RAB31: variants seen among roughly 807,000 people sequenced by gnomAD.
The protein encoded by RAB31 is ras-related protein Rab-31.
A neutral mutation model predicts 25.6 loss-of-function variants in RAB31; 21 were observed. That is an observed-to-expected ratio of 0.82 (90% CI 0.58 to 1.18). RAB31 has a LOEUF of 1.18. Among genes scored for constraint, RAB31 ranks in the 50% most tolerant of loss-of-function variants. The pLI is 0.00. For synonymous variants in RAB31, 87 were observed against 84.0 expected, an observed-to-expected ratio of 1.04 and a Z score of -0.20; for missense variants, 196 against 250.1, an observed-to-expected ratio of 0.78 and a Z score of 1.46.
chr18:9,773,336 T>C (rs530461209), intron 1 of RAB31, among the ~76,000 whole-genome samples: 10 of 152,328 alleles, frequency 6.6e-5, no homozygotes, highest in African/African-American at 2.2e-4. Context: ...TCATCCTTGA[T>C]CTTTTGGCTT....
At chr18:9,746,761 A>G (rs2068207955) in intron 1 of RAB31, among the ~76,000 whole-genome samples, 1 of 152,226 alleles carries the variant, frequency 6.6e-6, no homozygotes, top group Admixed American at 6.5e-5. Flanking sequence ...CCTTTATACA[A>G]AAATCAATTC....
intron 5 of RAB31, among the ~76,000 whole-genome samples, chr18:9,835,204 AC>A (rs2143115193): frequency 6.6e-6 from 1 of 152,174 alleles, no homozygotes; most frequent in East Asian, 1.9e-4. Context: ...TGTGTTCTTG[AC>A]CGTCATGGTA....
At chr18:9,777,284 C>G (rs1197358372) in intron 2 of RAB31, among the ~76,000 whole-genome samples, 2 of 152,170 alleles carry the variant, frequency 1.3e-5, no homozygotes, top group Non-Finnish European at 2.9e-5. Context: ...GAGATTGTAT[C>G]ACTGCACTCC....
intron 5 of RAB31, among the ~76,000 whole-genome samples, chr18:9,842,968 T>G (rs891131873): frequency 6.6e-6 from 1 of 152,230 alleles, no homozygotes; most frequent in African/African-American, 2.4e-5. Flanking sequence ...TTGGCCATGG[T>G]CATCCTAAGG....
intron 1 of RAB31, among the ~76,000 whole-genome samples, chr18:9,748,784 G>A (rs1446305331): frequency 4.6e-5 from 7 of 151,498 alleles, no homozygotes; most frequent in South Asian, 2.1e-4. Flanking sequence ...CCAGCTACTC[G>A]GGAGGCTGAG....
chr18:9,849,810 TGTC>T (rs2068780114), intron 6 of RAB31, among the ~76,000 whole-genome samples: 3 of 152,022 alleles, frequency 2.0e-5, no homozygotes, highest in Non-Finnish European at 2.9e-5. Flanking sequence ...AGGCAGGAAA[TGTC>T]GTGGTGCTTT....
chr18:9,754,083 G>A (rs1438901459), intron 1 of RAB31, among the ~76,000 whole-genome samples: 1 of 152,106 alleles, frequency 6.6e-6, no homozygotes, highest in Non-Finnish European at 1.5e-5. Flanking sequence ...GTCATGAAGA[G>A]GAATTGAAAA....
chr18:9,744,811 C>A (rs2068197229), intron 1 of RAB31, among the ~76,000 whole-genome samples: 1 of 152,082 alleles, frequency 6.6e-6, no homozygotes, highest in Non-Finnish European at 1.5e-5. Context: ...TCCAAAACTT[C>A]AGAGCAGTGC....
chr18:9,830,083 CTT>C (rs1159553741), intron 5 of RAB31, among the ~76,000 whole-genome samples: 1 of 151,580 alleles, frequency 6.6e-6, no homozygotes, highest in Non-Finnish European at 1.5e-5. Flanking sequence ...TCACTGCAGC[CTT>C]GAACTCCTGG....
At chr18:9,821,551 A>G (rs1199163849) in intron 5 of RAB31, among the ~76,000 whole-genome samples, 1 of 152,144 alleles carries the variant, frequency 6.6e-6, no homozygotes, top group African/African-American at 2.4e-5. Context: ...TCTACACAGA[A>G]AAGCCCAAAG....
At chr18:9,835,589 T>A (rs936541894) in intron 5 of RAB31, among the ~76,000 whole-genome samples, 5 of 152,228 alleles carry the variant, frequency 3.3e-5, no homozygotes, top group African/African-American at 9.6e-5. Flanking sequence ...ACATGTGTTA[T>A]TAAGTAGGTG....
At chr18:9,728,765 T>C (rs1042702343) in intron 1 of RAB31, among the ~76,000 whole-genome samples, 1 of 152,190 alleles carries the variant, frequency 6.6e-6, no homozygotes, top group African/African-American at 2.4e-5. Context: ...CTCGAACTCC[T>C]GACCTCACGT....
At position 9,710,115 on chromosome 18, in the gene RAB31, G is replaced by A. The variant is rs990714341; in HGVS notation, c.39+1671G>A. 2.0e-5 allele frequency among the ~76,000 whole-genome samples: 3 copies of A among 152,218 alleles called. No homozygotes were observed. In the South Asian group the frequency reaches 6.2e-4, roughly 32 times the overall value. On this transcript the variant is annotated intron_variant, in intron 1 of 6. Coordinates refer to ENST00000578921, the MANE Select transcript of RAB31 (RefSeq NM_006868.4). ...TTTTCAGTTTCGGTGTTTAGGGACA[G>A]GTCTCTATGTCCTCCTACCAGGACA...
rs185815131 is a variant in RAB31 at position 9,802,719 on chromosome 18, T to A, written c.201+10484T>A. 2.0e-5 allele frequency among the ~76,000 whole-genome samples: 3 copies of A among 152,330 alleles called. No homozygotes were observed. The East Asian group carries it at 5.8e-4, about 29-fold the overall frequency. ...GTTTGAAAGATTAGGTGTTTGGAGA[T>A]CATGTGCCCAGAGGGCTGGGATGCA... On this transcript the variant is annotated intron_variant, in intron 3 of 6. Coordinates refer to ENST00000578921, the MANE Select transcript of RAB31 (RefSeq NM_006868.4).
chr18:9,804,859 T>G (rs2068531932), intron 3 of RAB31, among the ~76,000 whole-genome samples: 1 of 152,112 alleles, frequency 6.6e-6, no homozygotes, highest in Non-Finnish European at 1.5e-5. Flanking sequence ...GCAGGGACCT[T>G]GTTACCTTCT....
At position 9,759,710 on chromosome 18, in the gene RAB31, C is replaced by T. The variant is rs183476619; in HGVS notation, c.40-15568C>T. 1.6e-3 allele frequency among the ~76,000 whole-genome samples: 240 copies of T among 152,210 alleles called. 3 individuals carry two copies. Among genetic ancestry groups the T allele is most frequent in the African/African-American group, 5.5e-3 (230 of 41,538 alleles). ...AGAGAGACAGGAGGGGTGAAAAGGGCAAGGCTATCCCGAGACCTGTTTCCA... is the reference window on the plus strand; with the variant it reads ...AGAGAGACAGGAGGGGTGAAAAGGGTAAGGCTATCCCGAGACCTGTTTCCA... On this transcript the variant is annotated intron_variant, in intron 1 of 6. Coordinates refer to ENST00000578921, the MANE Select transcript of RAB31 (RefSeq NM_006868.4).
At chr18:9,809,402 T>G (rs1275816046) in intron 3 of RAB31, among the ~76,000 whole-genome samples, 1 of 152,192 alleles carries the variant, frequency 6.6e-6, no homozygotes, top group African/African-American at 2.4e-5. Flanking sequence ...TGAATGGGAA[T>G]TCTGAACTAA....
intron 5 of RAB31, among the ~76,000 whole-genome samples, chr18:9,821,782 G>A (rs2068625658): frequency 6.6e-6 from 1 of 152,120 alleles, no homozygotes; most frequent in African/African-American, 2.4e-5. Context: ...ATGCTGAAAA[G>A]TACAAAATGT....
intron 3 of RAB31, among the ~76,000 whole-genome samples, chr18:9,809,068 G>A (rs1299445084): frequency 2.1e-5 from 2 of 95,876 alleles, no homozygotes; most frequent in Non-Finnish European, 5.1e-5. Flanking sequence ...GCGCGCACGC[G>A]TGGGTGTGCG....
Sources: gnomAD v4.1 joint callset for allele counts (sites outside exome capture counted in the v4.1 genomes callset) on GRCh38, gnomAD v4.1.1 for gene constraint, MANE v1.5 for transcripts, NCBI Gene and HGNC (gene_info 2026-07-23, HGNC 2026-07-21) for gene names.